PRKG1: variants seen among roughly 807,000 people sequenced by gnomAD.
PRKG1 encodes the protein cGMP-dependent protein kinase 1.
PRKG1 carries 35 observed loss-of-function variants against 88.1 expected under a neutral mutation model. That is an observed-to-expected ratio of 0.40 (90% CI 0.30 to 0.53). The LOEUF (loss-of-function observed/expected upper bound fraction) is 0.53. Among genes scored for constraint, PRKG1 ranks in the 20% least tolerant of loss-of-function variants. The pLI is 0.59. For synonymous variants in PRKG1, 303 were observed against 292.5 expected (o/e 1.04, Z -0.37); for missense variants, 540 against 839.8 (o/e 0.64, Z 4.41).
chr10:51,093,683 T>C (rs999901963), intron 1 of PRKG1, among the ~76,000 whole-genome samples: 1 of 147,978 alleles, frequency 6.8e-6, no homozygotes, highest in African/African-American at 2.5e-5. Flanking sequence ...TATGTGTGTA[T>C]ATATATATTT....
intron 2 of PRKG1, among the ~76,000 whole-genome samples, chr10:51,383,581 T>G (rs760466318): frequency 2.6e-5 from 4 of 152,294 alleles, no homozygotes; most frequent in South Asian, 2.1e-4. Context: ...GAGCTGAGAT[T>G]TGAATGCTGG....
At chr10:51,804,990 G>A (rs777196906) in intron 4 of PRKG1, among the ~76,000 whole-genome samples, 1 of 152,038 alleles carries the variant, frequency 6.6e-6, no homozygotes, top group Non-Finnish European at 1.5e-5. Flanking sequence ...ATAGAAGTGA[G>A]CAACTCAGAG....
In PRKG1 at chr10:52,178,422, C is replaced by T. The variant is rs149608947; in HGVS notation, c.1076+16459C>T. ...TTTTGAGAATTTTGTAACATATCAT[C>T]TATCCTGGGGAATGTTCCATATACT... On this transcript the variant is annotated intron_variant, in intron 9 of 17. Transcript: ENST00000373980. Among the ~76,000 whole-genome samples, 63 of 152,186 alleles carry T rather than the reference C, an allele frequency of 4.1e-4. 1 individual carries two copies. The highest frequency in any genetic ancestry group is 1.4e-3 in the African/African-American group (59 of 41,546).
chr10:51,630,487 G>C (rs767865871), intron 3 of PRKG1, among the ~76,000 whole-genome samples: 1 of 152,160 alleles, frequency 6.6e-6, no homozygotes, highest in Non-Finnish European at 1.5e-5. Flanking sequence ...AAAATGACCA[G>C]TTCAGATTTC....
At chr10:51,826,559 C>A (rs1440436832) in intron 4 of PRKG1, among the ~76,000 whole-genome samples, 1 of 151,968 alleles carries the variant, frequency 6.6e-6, no homozygotes, top group Non-Finnish European at 1.5e-5. Context: ...TTAATAAGGC[C>A]CATTAAATGT....
chr10:52,022,113 T>A (rs112283914), intron 5 of PRKG1, among the ~76,000 whole-genome samples: 548 of 152,276 alleles, frequency 3.6e-3, no homozygotes, highest in African/African-American at 0.013. Flanking sequence ...CAGCTCCAAG[T>A]CAGCCATTAG....
At chr10:51,327,513 A>T (rs377419837) in intron 2 of PRKG1, among the ~76,000 whole-genome samples, 47 of 152,200 alleles carry the variant, frequency 3.1e-4, no homozygotes, top group East Asian at 1.5e-3. Flanking sequence ...GAATTAACAG[A>T]TAAAATTGCA....
chr10:52,217,737 T>A (rs1448182074), intron 9 of PRKG1, among the ~76,000 whole-genome samples: 1 of 152,140 alleles, frequency 6.6e-6, no homozygotes, highest in Non-Finnish European at 1.5e-5. Flanking sequence ...AGCTGGGAGA[T>A]AAATCAGACC....
intron 2 of PRKG1, among the ~76,000 whole-genome samples, chr10:51,289,277 C>G (rs1470352211): frequency 6.6e-6 from 1 of 152,094 alleles, no homozygotes; most frequent in African/African-American, 2.4e-5. Context: ...TCTTACTGGG[C>G]ACCACTGTCT....
chr10:52,030,755 A>G (rs1845455418), intron 5 of PRKG1, among the ~76,000 whole-genome samples: 1 of 152,186 alleles, frequency 6.6e-6, no homozygotes, highest in African/African-American at 2.4e-5. Context: ...TAATGACTCC[A>G]GGTCAATTTG....
chr10:52,184,383 T>C (rs1221517221), intron 9 of PRKG1, among the ~76,000 whole-genome samples: 1 of 152,212 alleles, frequency 6.6e-6, no homozygotes, highest in Non-Finnish European at 1.5e-5. Context: ...CATATCATGA[T>C]ATATTATTTA....
chr10:51,900,407 T>A (rs950422902), intron 4 of PRKG1, among the ~76,000 whole-genome samples: 2 of 152,202 alleles, frequency 1.3e-5, no homozygotes, highest in Non-Finnish European at 2.9e-5. Context: ...TACTCTATTA[T>A]AACATCAAAA....
chr10:50,997,303 C>G (rs1220328787), intron 1 of PRKG1, among the ~76,000 whole-genome samples: 1 of 152,066 alleles, frequency 6.6e-6, no homozygotes, highest in East Asian at 1.9e-4. Context: ...TGTGCATTTT[C>G]CAAATGTATT....
chr10:51,175,202 T>G (rs9414861), intron 2 of PRKG1, among the ~76,000 whole-genome samples: 10,004 of 151,890 alleles, frequency 0.066, 698 homozygotes, highest in African/African-American at 0.17. Flanking sequence ...CCAGAGTCAG[T>G]TATTATAATG....
intron 1 of PRKG1, among the ~76,000 whole-genome samples, chr10:51,075,286 A>T (rs1843920642): frequency 6.6e-6 from 1 of 152,148 alleles, no homozygotes; most frequent in Non-Finnish European, 1.5e-5. Context: ...GGAAAATCCT[A>T]AATGCAGGCT....
chr10:51,939,772 G>T (rs1401830263), intron 5 of PRKG1, among the ~76,000 whole-genome samples: 1 of 150,664 alleles, frequency 6.6e-6, no homozygotes, highest in Non-Finnish European at 1.5e-5. Context: ...TTTGGTAAAT[G>T]CAAGAGTACT....
intron 3 of PRKG1, among the ~76,000 whole-genome samples, chr10:51,597,723 C>T (rs931437617): frequency 3.5e-4 from 54 of 152,186 alleles, no homozygotes; most frequent in African/African-American, 1.3e-3. Context: ...TATGTGTGAC[C>T]TTCCAGAAAG....
intron 2 of PRKG1, among the ~76,000 whole-genome samples, chr10:51,401,048 C>A (rs570885894): frequency 1.3e-5 from 2 of 152,122 alleles, no homozygotes; most frequent in African/African-American, 4.8e-5. Context: ...CTGCCAAATA[C>A]AAGTATAACA....
At chr10:51,889,060 C>CT (rs35369136) in intron 4 of PRKG1, among the ~76,000 whole-genome samples, 62,277 of 145,500 alleles carry the variant, frequency 0.43, 13,484 homozygotes, top group African/African-American at 0.49. Flanking sequence ...AACACACATT[C>CT]TTTTTTTTTT....
Sources: allele counts gnomAD v4.1 joint callset (sites outside exome capture counted in the v4.1 genomes callset), GRCh38; gene constraint gnomAD v4.1.1; transcripts MANE v1.5; gene names NCBI Gene and HGNC (gene_info 2026-07-23, HGNC 2026-07-21).